SLC24A3: variants seen among roughly 807,000 people sequenced by gnomAD.
SLC24A3 encodes the protein solute carrier family 24 member 3, also known as sodium/potassium/calcium exchanger 3.
Under a neutral mutation model 75.8 loss-of-function variants are expected in SLC24A3, and 28 were observed. The observed-to-expected ratio is 0.37, with a 90% CI of 0.27 to 0.51. SLC24A3 has a LOEUF of 0.51. Among genes scored for constraint, SLC24A3 ranks in the 20% least tolerant of loss-of-function variants. The pLI is 0.94. For synonymous variants in SLC24A3, 372 were observed against 334.1 expected, an observed-to-expected ratio of 1.11 and a Z score of -1.24; for missense variants, 663 against 847.8, an observed-to-expected ratio of 0.78 and a Z score of 2.71.
Position 19,685,330 on chromosome 20 carries a change from T to A in SLC24A3, c.1293T>A (p.Asp431Glu). ...DEEEEEDEDD[D>E]EGPYTPFDTP... ...AGGAAGAGGAGGACGAGGATGATGA[T>A]GAAGGACCGTACACACCATTCGACA... is the stretch of plus-strand genomic sequence containing the variant. The change falls in exon 12 of 17, where the codon GAT becomes GAA. Residue 431 changes from aspartate to glutamate, a missense_variant. Around this residue, in one of 2 missense-constraint regions of SLC24A3, gnomAD observed 510 missense variants for 703.6 expected, o/e 0.72. Transcript: ENST00000328041. 1.2e-6 allele frequency: 2 copies of A among 1,614,158 alleles called. No homozygotes were observed. Among genetic ancestry groups the A allele is most frequent in the Non-Finnish European group, 8.5e-7 (1 of 1,180,014 alleles).
intron 2 of SLC24A3, among the ~76,000 whole-genome samples, chr20:19,489,325 G>C (rs556180427): frequency 6.6e-6 from 1 of 152,272 alleles, no homozygotes; most frequent in East Asian, 1.9e-4. Context: ...AGAATCCTGA[G>C]TTAAGATCAC....
intron 6 of SLC24A3, among the ~76,000 whole-genome samples, chr20:19,637,511 C>T (rs2032015869): frequency 6.6e-6 from 1 of 152,068 alleles, no homozygotes; most frequent in Non-Finnish European, 1.5e-5. Context: ...GGGAGTAGGC[C>T]AGCACATTGA....
At chr20:19,288,902 C>G (rs1983875501) in intron 2 of SLC24A3, among the ~76,000 whole-genome samples, 1 of 152,198 alleles carries the variant, frequency 6.6e-6, no homozygotes, top group Admixed American at 6.5e-5. Flanking sequence ...AACTTTTGCT[C>G]TATGAAGGCT....
chr20:19,706,011 C>T (rs1278275144), intron 15 of SLC24A3, among the ~76,000 whole-genome samples: 1 of 152,102 alleles, frequency 6.6e-6, no homozygotes, highest in Admixed American at 6.5e-5. Flanking sequence ...CATGCAGGCT[C>T]CAGGAAGCCA....
chr20:19,689,665 T>C (rs1224547562), intron 12 of SLC24A3, among the ~76,000 whole-genome samples: 1 of 152,174 alleles, frequency 6.6e-6, no homozygotes, highest in Non-Finnish European at 1.5e-5. Flanking sequence ...GAGCAGAAGA[T>C]GGAAAAATGT....
chr20:19,372,140 T>A (rs751247405), intron 2 of SLC24A3, among the ~76,000 whole-genome samples: 19 of 152,332 alleles, frequency 1.2e-4, no homozygotes, highest in Admixed American at 2.0e-4. Context: ...ACCTTAGAAC[T>A]GTGGTTGCTT....
At chr20:19,581,404 C>T (rs757848535) in intron 4 of SLC24A3, among the ~76,000 whole-genome samples, 1 of 152,144 alleles carries the variant, frequency 6.6e-6, no homozygotes, top group Non-Finnish European at 1.5e-5. Context: ...AATGTCAGTA[C>T]AGTTGTCAGC....
At chr20:19,340,167 T>C (rs538614592) in intron 2 of SLC24A3, among the ~76,000 whole-genome samples, 1 of 152,154 alleles carries the variant, frequency 6.6e-6, no homozygotes, top group Non-Finnish European at 1.5e-5. Flanking sequence ...ACAGAGGTAA[T>C]TAAGTTAAAA....
intron 3 of SLC24A3, among the ~76,000 whole-genome samples, chr20:19,537,059 C>T (rs1447869220): frequency 1.3e-5 from 2 of 152,124 alleles, no homozygotes; most frequent in African/African-American, 4.8e-5. Flanking sequence ...TTCTGCACAG[C>T]AAAAGAAACT....
chr20:19,322,707 A>C (rs1166847460), intron 2 of SLC24A3, among the ~76,000 whole-genome samples: 2 of 152,188 alleles, frequency 1.3e-5, no homozygotes, highest in African/African-American at 4.8e-5. Context: ...TTCACTCTGC[A>C]CACACAGGAG....
rs548562742 is a variant in SLC24A3, at chr20:19,523,947, A to C, written c.348+8383A>C. ...CCCTCACATCCTATTCTACCTGAAT[A>C]CTGGACAGGCAAGAAGTGCCAGGAA... On this transcript the variant is annotated intron_variant, in intron 3 of 16. Transcript: ENST00000328041. Among the ~76,000 whole-genome samples the C allele has an allele frequency of 2.6e-5, 4 of 152,270 alleles. No homozygotes were observed. The East Asian group carries it at 7.7e-4, about 29-fold the overall frequency.
At chr20:19,311,544 T>C (rs1401693849) in intron 2 of SLC24A3, among the ~76,000 whole-genome samples, 1 of 152,020 alleles carries the variant, frequency 6.6e-6, no homozygotes, top group Non-Finnish European at 1.5e-5. Context: ...GGTGTGCACG[T>C]TGGCCCCCAC....
At chr20:19,695,497 C>T (rs2032794092) in intron 13 of SLC24A3, 1 of 152,142 alleles carries the variant, frequency 6.6e-6, no homozygotes, top group South Asian at 2.1e-4. Flanking sequence ...TTTTTTTAAG[C>T]ATGCTTGCAT....
rs576996256 is a variant in SLC24A3, at chr20:19,359,473, G to T, written c.271+78386G>T. Among the ~76,000 whole-genome samples, 26 of 152,300 alleles carry T rather than the reference G, an allele frequency of 1.7e-4. 1 individual carries two copies. The South Asian group carries it at 2.3e-3, about 13-fold the overall frequency. On this transcript the variant is annotated intron_variant, in intron 2 of 16. Transcript: ENST00000328041. ...CACCCATGTCATCTGGGTGCAGAGG[G>T]TGAGAAGCAGCCCTTCCAGGTCCCT...
At chr20:19,301,131 C>T (rs929054746) in intron 2 of SLC24A3, among the ~76,000 whole-genome samples, 1 of 152,196 alleles carries the variant, frequency 6.6e-6, no homozygotes, top group Non-Finnish European at 1.5e-5. Flanking sequence ...TATGCCCAAT[C>T]ACAGGCCTTT....
intron 2 of SLC24A3, among the ~76,000 whole-genome samples, chr20:19,419,939 T>G (rs1169068375): frequency 8.3e-6 from 1 of 120,040 alleles, no homozygotes; most frequent in Non-Finnish European, 1.7e-5. Flanking sequence ...TAACGTGTCA[T>G]CTAGCATTAG....
intron 3 of SLC24A3, among the ~76,000 whole-genome samples, chr20:19,520,517 T>A (rs949857603): frequency 2.0e-5 from 3 of 152,190 alleles, no homozygotes; most frequent in African/African-American, 7.2e-5. Context: ...CATTAGGGGC[T>A]CATGTTATTA....
chr20:19,604,749 A>G (rs898726623), intron 6 of SLC24A3, among the ~76,000 whole-genome samples: 2 of 152,084 alleles, frequency 1.3e-5, no homozygotes, highest in Non-Finnish European at 2.9e-5. Context: ...AAATCCCCCT[A>G]CTGCAGGCTC....
At chr20:19,492,702 T>G (rs544853468) in intron 2 of SLC24A3, among the ~76,000 whole-genome samples, 19 of 152,346 alleles carry the variant, frequency 1.2e-4, no homozygotes, top group African/African-American at 4.6e-4. Flanking sequence ...AAACTCACTT[T>G]CAAAAACTGT....
Sources: gnomAD v4.1 joint callset for allele counts (sites outside exome capture counted in the v4.1 genomes callset) on GRCh38, gnomAD v4.1.1 for gene constraint, gnomAD v4.1.1 regional missense constraint, MANE v1.5 for transcripts, NCBI Gene and HGNC (gene_info 2026-07-23, HGNC 2026-07-21) for gene names.